The following WNT11 variants were observed in gnomAD, a reference collection of about 807,000 sequenced individuals.
The protein encoded by WNT11 is Wnt family member 11.
WNT11 carries 20 observed loss-of-function variants against 35.6 expected under a neutral mutation model. The ratio of observed to expected loss-of-function variants is 0.56; its 90% confidence interval spans 0.40 to 0.82. The LOEUF is 0.82. Among genes scored for constraint, WNT11 ranks in the 40% least tolerant of loss-of-function variants. WNT11 has a pLI of 0.00. For synonymous variants in WNT11, 200 were observed against 211.9 expected (o/e 0.94, Z 0.49); for missense variants, 459 against 504.4 (o/e 0.91, Z 0.86).
intron 1 of WNT11, among the ~76,000 whole-genome samples, chr11:76,202,222 G>A (rs1953390387): frequency 6.6e-6 from 1 of 152,160 alleles, no homozygotes; most frequent in Non-Finnish European, 1.5e-5. Flanking sequence ...GAGAGATGGG[G>A]TGAGGTCAAC....
rs149854234 is a variant in WNT11 at position 76,191,764 on chromosome 11, C to T, written c.690G>A (p.Leu230=). ...IRTCWKGLQE[L]QDVAADLKTR... The stretch of plus-strand genomic sequence containing the variant: ...TCTTGAGGTCAGCAGCCACATCCTG[C>T]AGCTCCTGCAGCCCCTTCCAGCAGG... The change falls in exon 4 of 5, where the codon CTG becomes CTA. Residue 230 remains leucine (L), a synonymous_variant. Transcript: ENST00000322563. 42 of 1,613,296 alleles carry T rather than the reference C, an allele frequency of 2.6e-5. No homozygotes were observed. The African/African-American group carries it at 5.3e-4, about 20-fold the overall frequency.
chr11:76,200,775 G>A (rs1439734127), intron 1 of WNT11, among the ~76,000 whole-genome samples: 5 of 152,192 alleles, frequency 3.3e-5, no homozygotes, highest in Admixed American at 1.3e-4. Flanking sequence ...CTTTCTTCCC[G>A]CTCCTTCTGA....
upstream of WNT11, chr11:76,210,749 TGGCGCGATCTCC>T (rs894801125): frequency 4.6e-5 from 40 of 875,444 alleles, no homozygotes; most frequent in Middle Eastern, 5.9e-4. Context: ...CCTCCTCGCC[TGGCGCGATCTCC>T]GGCGCGAGCC....
At chr11:76,192,875 A>G (rs1439822130) in intron 3 of WNT11, among the ~76,000 whole-genome samples, 2 of 152,156 alleles carry the variant, frequency 1.3e-5, no homozygotes, top group Middle Eastern at 3.2e-3. Flanking sequence ...CCTCTCCTGT[A>G]CAGAGACCTG....
chr11:76,207,300 T>C (rs1311950300), upstream of WNT11, among the ~76,000 whole-genome samples: 3 of 151,840 alleles, frequency 2.0e-5, no homozygotes, highest in Admixed American at 2.0e-4. Context: ...GAGGCGGAGG[T>C]TGCAGCGAGC....
upstream of WNT11, among the ~76,000 whole-genome samples, chr11:76,208,989 G>T (rs1012423132): frequency 3.3e-5 from 5 of 152,194 alleles, no homozygotes; most frequent in Non-Finnish European, 5.9e-5. Context: ...GCTCGAGGAG[G>T]GGGGAATCGC....
At chr11:76,196,429 C>A in intron 2 of WNT11, 54 bp downstream of exon 2, 1 of 1,590,050 alleles carries the variant, frequency 6.3e-7, no homozygotes, top group Admixed American at 1.7e-5. Context: ...CAGATTGATG[C>A]CTGAATTCCT....
At position 76,195,728 on chromosome 11, in the gene WNT11, A is replaced by G. The variant is rs76939560; in HGVS notation, c.319+755T>C. 5.2e-3 allele frequency among the ~76,000 whole-genome samples: 794 copies of G among 152,324 alleles called. 5 individuals carry two copies. The highest frequency in any genetic ancestry group is 0.017 in the African/African-American group (692 of 41,558). Reference sequence around the variant, plus strand: ...CCATGGCTCTGTCTCTTAACTAGCAAGCCACTTTCCCTTCTCCAGCCTCAG... The same window carrying G: ...CCATGGCTCTGTCTCTTAACTAGCAGGCCACTTTCCCTTCTCCAGCCTCAG... On this transcript the variant is annotated intron_variant, in intron 2 of 4. Coordinates refer to ENST00000322563, the MANE Select transcript of WNT11 (RefSeq NM_004626.3).
Position 76,191,526 on chromosome 11 carries a change from C to T in WNT11, c.890+38G>A, listed in dbSNP as rs79840584. 2.0e-3 allele frequency: 3,133 copies of T among 1,591,552 alleles called. 36 individuals are homozygous for T. The African/African-American group carries it at 0.024, about 12-fold the overall frequency. Reference sequence around the variant, plus strand: ...AGCTGGGGAACAGTATGTGCAACACCAGTGACCCTTTCCCACCAAGGTGGC... The same window carrying T: ...AGCTGGGGAACAGTATGTGCAACACTAGTGACCCTTTCCCACCAAGGTGGC... On this transcript the variant is annotated intron_variant, in intron 4 of 4. Transcript: ENST00000322563.
intron 1 of WNT11, among the ~76,000 whole-genome samples, chr11:76,200,857 G>A (rs1266406045): frequency 6.6e-6 from 1 of 152,276 alleles, no homozygotes; most frequent in Non-Finnish European, 1.5e-5. Flanking sequence ...CCTAGCAGCA[G>A]GCTCATGGCA....
In WNT11 at chr11:76,206,419, G is replaced by C; in HGVS notation, c.-12C>G. 2 of 1,494,388 alleles carry C rather than the reference G, an allele frequency of 1.3e-6. No individual in the cohort carries two copies. The highest frequency in any genetic ancestry group is 2.7e-5 in the East Asian group (1 of 36,986). 92.6% of individuals were successfully genotyped at this position (1,494,388 alleles called of 1,614,324 possible). On this transcript the variant is annotated 5_prime_UTR_variant, in exon 1 of 5. Coordinates refer to ENST00000322563, the MANE Select transcript of WNT11 (RefSeq NM_004626.3). ...GGCCGCGCCCTCATCGTCGCGCGGC[G>C]GGCGCGCCCGGGGTCACACCCAGGA...
In WNT11 at chr11:76,198,860, G is replaced by A. The variant is rs184823791; in HGVS notation, c.84-2142C>T. On this transcript the variant is annotated intron_variant, in intron 1 of 4. Coordinates refer to ENST00000322563, the MANE Select transcript of WNT11 (RefSeq NM_004626.3). Reference sequence around the variant, plus strand: ...ACAAAGAAATGATAAGGCCAGGCGCGGTGGCTTACACCTGTAATATCCCAG... The same window carrying A: ...ACAAAGAAATGATAAGGCCAGGCGCAGTGGCTTACACCTGTAATATCCCAG... 3.5e-3 allele frequency among the ~76,000 whole-genome samples: 536 copies of A among 152,262 alleles called. 3 individuals carry two copies. Among genetic ancestry groups the A allele is most frequent in the African/African-American group, 0.012 (506 of 41,550 alleles).
intron 1 of WNT11, among the ~76,000 whole-genome samples, chr11:76,201,369 G>A (rs1240204179): frequency 6.6e-6 from 1 of 152,222 alleles, no homozygotes; most frequent in Non-Finnish European, 1.5e-5. Context: ...CCCGAGGAGG[G>A]CCATGCGGTC....
Position 76,191,709 on chromosome 11 carries a change from G to A in WNT11, c.745C>T (p.His249Tyr). 1 of 1,613,898 alleles carries A rather than the reference G, an allele frequency of 6.2e-7. No homozygotes were observed. Among genetic ancestry groups the A allele is most frequent in the Non-Finnish European group, 8.5e-7 (1 of 1,180,046 alleles). Residue 249 changes from histidine (H) to tyrosine (Y), a missense_variant, in exon 4 of 5, where the codon CAC (histidine) becomes TAC (tyrosine). Physicochemically the swap from His to Tyr is moderately conservative, Grantham distance 83. Coordinates refer to ENST00000322563, the MANE Select transcript of WNT11 (RefSeq NM_004626.3). ...TRYLSATKVV[H>Y]RPMGTRKHLV... ...TGCTTGCGGGTGCCCATGGGTCGGT[G>A]CACTACCTTGGTGGCCGACAGGTAT...
chr11:76,196,842 G>A lies in WNT11; in HGVS notation c.84-124C>T, dbSNP rs1565194400. ...AATGGACTTTGCCTCCTGGTTTCCT[G>A]GCTCCTTCCAAAAAAGGCTCCCAAA... On this transcript the variant is annotated intron_variant, in intron 1 of 4. Coordinates refer to ENST00000322563, the MANE Select transcript of WNT11 (RefSeq NM_004626.3). 3 of 1,121,974 alleles carry A rather than the reference G, an allele frequency of 2.7e-6. No homozygotes were observed. The East Asian group carries it at 7.8e-5, about 29-fold the overall frequency. 69.5% of individuals were successfully genotyped at this position (1,121,974 alleles called of 1,614,324 possible).
At chr11:76,188,801 C>T (rs1953134577) in intron 4 of WNT11, among the ~76,000 whole-genome samples, 1 of 152,222 alleles carries the variant, frequency 6.6e-6, no homozygotes, top group South Asian at 2.1e-4. Context: ...AAGCAAGACT[C>T]CGCCGTGCAG....
At chr11:76,192,712 G>A (rs2134573822) in intron 3 of WNT11, among the ~76,000 whole-genome samples, 1 of 152,344 alleles carries the variant, frequency 6.6e-6, no homozygotes, top group Non-Finnish European at 1.5e-5. Context: ...GCTTCAAAAA[G>A]GACTCGGGCC....
chr11:76,194,479 C>A lies in WNT11; in HGVS notation c.597+88G>T. 1 of 1,452,854 alleles carries A rather than the reference C, an allele frequency of 6.9e-7. No homozygotes were observed. The highest frequency in any genetic ancestry group is 1.4e-5 in the South Asian group (1 of 71,670). 90.0% of individuals were successfully genotyped at this position (1,452,854 alleles called of 1,614,324 possible). On this transcript the variant is annotated intron_variant, in intron 3 of 4. Coordinates refer to ENST00000322563, the MANE Select transcript of WNT11 (RefSeq NM_004626.3). This position sits in a 1 kb window ranked among gnomAD's most constrained non-coding sequence, Gnocchi z 5.4. ...GCCAGTCAGGGCCCGTCCCCCCGCA[C>A]CCCCCACCACTGGGGCAAGCTGGGT...
chr11:76,191,726 G>A lies in WNT11; in HGVS notation c.728C>T (p.Ser243Leu), dbSNP rs781172349. ...GGGTCGGTGCACTACCTTGGTGGCC[G>A]ACAGGTATCGGGTCTTGAGGTCAGC... ...VAADLKTRYL[S>L]ATKVVHRPMG... The change falls in exon 4 of 5, where the codon TCG becomes TTG. Residue 243 changes from serine to leucine, a missense_variant. Coordinates refer to ENST00000322563, the MANE Select transcript of WNT11 (RefSeq NM_004626.3). 2.4e-5 allele frequency: 38 copies of A among 1,613,670 alleles called. 1 individual carries two copies. In the Admixed American group the frequency reaches 3.3e-4, roughly 14 times the overall value.
Sources: allele counts gnomAD v4.1 joint callset (sites outside exome capture counted in the v4.1 genomes callset), GRCh38; gene constraint gnomAD v4.1.1; non-coding constraint Gnocchi (gnomAD v3.1); transcripts MANE v1.5; gene names NCBI Gene and HGNC (gene_info 2026-07-23, HGNC 2026-07-21).